The following MBNL3 variants were observed in gnomAD, a reference collection of about 807,000 sequenced individuals.
MBNL3 encodes the protein muscleblind like splicing regulator 3, also known as muscleblind-like protein 3.
MBNL3 carries 6 observed loss-of-function variants against 24.5 expected under a neutral mutation model. The observed-to-expected ratio is 0.25, with a 90% CI of 0.13 to 0.48. MBNL3 has a LOEUF of 0.48. MBNL3 is among the 20% of genes least tolerant of loss of function. The pLI, the probability that MBNL3 is intolerant of heterozygous loss-of-function variation, is 0.99. For synonymous variants in MBNL3, 100 were observed against 101.7 expected, an observed-to-expected ratio of 0.98 and a Z score of 0.10; for missense variants, 230 against 293.5, an observed-to-expected ratio of 0.78 and a Z score of 1.58.
At chrX:132,457,787 A>C (rs1946443824) in intron 1 of MBNL3, among the ~76,000 whole-genome samples, 1 of 111,815 alleles carries the variant, frequency 8.9e-6, no homozygotes, top group Admixed American at 9.5e-5. Context: ...CCAGGGTCTA[A>C]TATGGATGGT....
intron 5 of MBNL3, among the ~76,000 whole-genome samples, chrX:132,387,075 C>T (rs965569785): frequency 1.8e-5 from 2 of 108,777 alleles, no homozygotes; most frequent in African/African-American, 6.7e-5. Flanking sequence ...GAGTTTGAGA[C>T]CAGCCCGGGC....
chrX:132,391,538 G>T (rs1236617512), intron 4 of MBNL3, among the ~76,000 whole-genome samples: 1 of 111,970 alleles, frequency 8.9e-6, no homozygotes, highest in Non-Finnish European at 1.9e-5. Context: ...TTAAGCGGCT[G>T]CAAATGGAGC....
chrX:132,465,514 T>A (rs1045749434), intron 1 of MBNL3, among the ~76,000 whole-genome samples: 2 of 112,353 alleles, frequency 1.8e-5, no homozygotes, highest in South Asian at 7.4e-4. Flanking sequence ...CAAAGTATTA[T>A]TGATATTTTT....
upstream of MBNL3, chrX:132,489,847 A>G (rs982884822): frequency 9.0e-6 from 1 of 110,873 alleles, no homozygotes; most frequent in Non-Finnish European, 1.9e-5. Context: ...ACGGGCGGGA[A>G]TGCGGCCAAG....
chrX:132,474,604 T>C (rs1569461442), intron 1 of MBNL3, among the ~76,000 whole-genome samples: 1 of 111,678 alleles, frequency 9.0e-6, no homozygotes, highest in Non-Finnish European at 1.9e-5. Context: ...CAATTAATAC[T>C]GTGCATATTA....
intron 2 of MBNL3, among the ~76,000 whole-genome samples, chrX:132,407,455 TAATTA>T (rs907753573): frequency 5.3e-5 from 6 of 112,555 alleles, no homozygotes; most frequent in East Asian, 5.6e-4. Flanking sequence ...AATTTACATT[TAATTA>T]AATTAAAGTG....
chrX:132,414,254 C>T (rs1346308991), intron 2 of MBNL3, among the ~76,000 whole-genome samples: 2 of 112,423 alleles, frequency 1.8e-5, no homozygotes, highest in Non-Finnish European at 3.8e-5. Flanking sequence ...TTGCTAGACA[C>T]AGTCCTAAAT....
At chrX:132,391,458 A>G (rs761708988) in intron 4 of MBNL3, among the ~76,000 whole-genome samples, 10 of 112,236 alleles carry the variant, frequency 8.9e-5, no homozygotes, top group African/African-American at 3.2e-4. Context: ...CTGGTTTTCC[A>G]AAGTCAACTT....
At chrX:132,399,835 C>T (rs1244124940) in intron 3 of MBNL3, among the ~76,000 whole-genome samples, 8 of 109,056 alleles carry the variant, frequency 7.3e-5, no homozygotes, top group Non-Finnish European at 1.5e-4. Flanking sequence ...ACAGAGCCCA[C>T]CAAACTCCCA....
In MBNL3 at chrX:132,379,601, A is replaced by C. The variant is rs1185037276; in HGVS notation, c.*65T>G. 4 of 1,103,417 alleles carry C rather than the reference A, an allele frequency of 3.6e-6. No homozygotes were observed. In the African/African-American group the frequency reaches 7.4e-5, roughly 21 times the overall value. 90.9% of individuals were successfully genotyped at this position (1,103,417 alleles called of 1,213,427 possible). ...TGTTGGTAGAATAAGACATACGAGA[A>C]TATATATAGAAAGGCCATATGGAGG... On this transcript the variant is annotated 3_prime_UTR_variant, in exon 9 of 9. Transcript: ENST00000370853.
intron 3 of MBNL3, among the ~76,000 whole-genome samples, chrX:132,404,432 A>G (rs1056212609): frequency 8.9e-6 from 1 of 112,060 alleles, no homozygotes; most frequent in African/African-American, 3.2e-5. Context: ...CAGTATGTGA[A>G]AGCCCAGAAA....
chrX:132,393,914 C>A (rs188012123), intron 3 of MBNL3, among the ~76,000 whole-genome samples: 1 of 111,493 alleles, frequency 9.0e-6, no homozygotes, highest in East Asian at 2.8e-4. Flanking sequence ...CATTGCCTCA[C>A]CCCCACACAG....
At chrX:132,392,406 T>C (rs1937332866) in intron 3 of MBNL3, 72 bp from the exon 4 acceptor site, 1 of 834,246 alleles carries the variant, frequency 1.2e-6, no homozygotes, top group Non-Finnish European at 1.6e-6. Context: ...AGAGGTATTC[T>C]TTCAGAAACA....
At chrX:132,400,876 A>G (rs759756238) in intron 3 of MBNL3, among the ~76,000 whole-genome samples, 1 of 112,190 alleles carries the variant, frequency 8.9e-6, no homozygotes, top group South Asian at 3.7e-4. Flanking sequence ...TGACTGTTGT[A>G]ATTATATTAA....
Position 132,443,773 on chromosome X carries a change from T to C in MBNL3, c.-703-3459A>G, listed in dbSNP as rs779063704. On this transcript the variant is annotated intron_variant, in intron 1 of 8. Transcript: ENST00000370853. ...TCTTAAACGCACACTCAAACACTAC[T>C]GCATAGAAGTTAAGTCATCAAGAGG... Among the ~76,000 whole-genome samples, 371 of 111,427 alleles carry C rather than the reference T, an allele frequency of 3.3e-3. 1 individual carries two copies. The highest frequency in any genetic ancestry group is 0.011 in the African/African-American group (352 of 30,664).
chrX:132,470,590 G>C (rs1471591584), intron 1 of MBNL3, among the ~76,000 whole-genome samples: 1 of 111,744 alleles, frequency 8.9e-6, no homozygotes, highest in Non-Finnish European at 1.9e-5. Flanking sequence ...CTAAATAATA[G>C]TAAATCCCAC....
At chrX:132,477,308 A>C (rs1326235181) in intron 1 of MBNL3, among the ~76,000 whole-genome samples, 2 of 112,243 alleles carry the variant, frequency 1.8e-5, no homozygotes, top group Non-Finnish European at 3.8e-5. Flanking sequence ...AGGGAGATAC[A>C]AACTCACAAT....
intron 3 of MBNL3, among the ~76,000 whole-genome samples, chrX:132,403,115 G>T (rs1456607985): frequency 1.8e-5 from 2 of 111,613 alleles, no homozygotes; most frequent in African/African-American, 6.5e-5. Context: ...GTAGGTACCA[G>T]AGAAATTAAG....
rs1204085981 is a variant in MBNL3 at position 132,390,991 on chromosome X, A to T, written c.627T>A (p.Ser209Arg). ...HPTDASMIEA[S>R]DNTVTICMDY... ...CCATGCAGATTGTCACAGTATTATCACTCGCTTCAATCATGGAAGCATCAG... is the reference window on the plus strand; with the variant it reads ...CCATGCAGATTGTCACAGTATTATCTCTCGCTTCAATCATGGAAGCATCAG... Residue 209 changes from serine to arginine, a missense_variant, in exon 5 of 9, where the codon AGT becomes AGA. Transcript: ENST00000370853. 3 of 1,208,625 alleles carry T rather than the reference A, an allele frequency of 2.5e-6. No homozygotes were observed. The highest frequency in any genetic ancestry group is 3.4e-6 in the Non-Finnish European group (3 of 894,674).
Sources: gnomAD v4.1 joint callset for allele counts (sites outside exome capture counted in the v4.1 genomes callset) on GRCh38, gnomAD v4.1.1 for gene constraint, MANE v1.5 for transcripts, NCBI Gene and HGNC (gene_info 2026-07-23, HGNC 2026-07-21) for gene names.